Variants in COX7B2 observed in about 807,000 individuals in gnomAD.
COX7B2 encodes cytochrome c oxidase subunit 7B2, mitochondrial.
For missense variants in COX7B2, 109 were observed against 95.9 expected (o/e 1.14, Z -0.57); for synonymous variants, 37 against 32.1 (o/e 1.15, Z -0.51).
chr4:46,897,817 A>G (rs930670799), intron 1 of COX7B2, among the ~76,000 whole-genome samples: 8 of 152,228 alleles, frequency 5.3e-5, no homozygotes, highest in African/African-American at 1.9e-4. Flanking sequence ...TACCCTGGGT[A>G]ATATTTTAAA....
At chr4:46,857,571 T>A (rs1476804633) in intron 1 of COX7B2, among the ~76,000 whole-genome samples, 1 of 152,178 alleles carries the variant, frequency 6.6e-6, no homozygotes, top group Non-Finnish European at 1.5e-5. Context: ...CAAATTCCTA[T>A]GATCTATAGA....
chr4:46,764,262 G>A (rs1716389366), intron 2 of COX7B2, among the ~76,000 whole-genome samples: 2 of 152,104 alleles, frequency 1.3e-5, no homozygotes, highest in South Asian at 4.1e-4. Flanking sequence ...GAAAATACTG[G>A]AGCCAGGCAC....
At chr4:46,775,158 C>G (rs1362199503) in intron 2 of COX7B2, among the ~76,000 whole-genome samples, 2 of 152,058 alleles carry the variant, frequency 1.3e-5, no homozygotes, top group East Asian at 3.9e-4. Flanking sequence ...CAGTCAGATT[C>G]TTTAAGATAA....
intron 1 of COX7B2, among the ~76,000 whole-genome samples, chr4:46,868,275 A>G (rs1304842933): frequency 1.3e-5 from 2 of 151,788 alleles, no homozygotes; most frequent in Admixed American, 6.6e-5. Context: ...TCTTTTCTTC[A>G]TTATTCTAGC....
At chr4:46,880,460 C>T (rs1718643088) in intron 1 of COX7B2, among the ~76,000 whole-genome samples, 1 of 117,998 alleles carries the variant, frequency 8.5e-6, no homozygotes, top group South Asian at 3.1e-4. Context: ...ATTACTTACT[C>T]AATTTCAGAG....
chr4:46,814,127 T>G (rs1048455388), intron 2 of COX7B2, among the ~76,000 whole-genome samples: 5 of 152,088 alleles, frequency 3.3e-5, no homozygotes, highest in Non-Finnish European at 7.4e-5. Flanking sequence ...AACCTAAAAA[T>G]AGAAAACCAG....
intron 2 of COX7B2, among the ~76,000 whole-genome samples, chr4:46,781,159 G>C (rs545885219): frequency 6.6e-6 from 1 of 152,272 alleles, no homozygotes; most frequent in South Asian, 2.1e-4. Flanking sequence ...CAGTAGAGGA[G>C]AGAGGGGGCA....
At chr4:46,897,954 C>T (rs1192534815) in intron 1 of COX7B2, among the ~76,000 whole-genome samples, 1 of 152,188 alleles carries the variant, frequency 6.6e-6, no homozygotes, top group African/African-American at 2.4e-5. Context: ...GCTATGTTCT[C>T]TGACCTCCAC....
chr4:46,900,949 C>A (rs1720040092), intron 1 of COX7B2, among the ~76,000 whole-genome samples: 1 of 152,188 alleles, frequency 6.6e-6, no homozygotes, highest in African/African-American at 2.4e-5. Context: ...AAAAACTCAA[C>A]ATAATGTGAA....
chr4:46,894,388 G>A (rs575542110), intron 1 of COX7B2, among the ~76,000 whole-genome samples: 2 of 152,190 alleles, frequency 1.3e-5, no homozygotes, highest in East Asian at 3.9e-4. Context: ...AAACAATGAG[G>A]AAAAGACCCC....
In COX7B2 at chr4:46,874,182, C is replaced by A. The variant is rs575280413; in HGVS notation, c.-104-29168G>T. 7.9e-5 allele frequency among the ~76,000 whole-genome samples: 12 copies of A among 151,950 alleles called. 1 individual carries two copies. The South Asian group carries it at 2.1e-3, about 26-fold the overall frequency. ...ATTCAGCTCAGATTTCCTTGAAGAC[C>A]AAAATACATGCATAATTTAAAACAT... is the stretch of plus-strand genomic sequence containing the variant. On this transcript the variant is annotated intron_variant, in intron 1 of 2. Coordinates refer to ENST00000355591, the MANE Select transcript of COX7B2 (RefSeq NM_130902.3).
intron 2 of COX7B2, among the ~76,000 whole-genome samples, chr4:46,833,023 A>G (rs1034441384): frequency 6.6e-6 from 1 of 151,946 alleles, no homozygotes; most frequent in Non-Finnish European, 1.5e-5. Flanking sequence ...CTCCTGCTTC[A>G]GCCTCCCGAG....
At chr4:46,781,759 G>A (rs1328085318) in intron 2 of COX7B2, among the ~76,000 whole-genome samples, 1 of 152,238 alleles carries the variant, frequency 6.6e-6, no homozygotes, top group Non-Finnish European at 1.5e-5. Flanking sequence ...GGCTCAGCAG[G>A]CCCCACCCTT....
chr4:46,737,149 T>C (rs990478484), intron 2 of COX7B2, among the ~76,000 whole-genome samples: 4 of 152,146 alleles, frequency 2.6e-5, no homozygotes, highest in African/African-American at 9.6e-5. Flanking sequence ...GCCATTCTAA[T>C]CGGTAAATAG....
intron 2 of COX7B2, among the ~76,000 whole-genome samples, chr4:46,842,507 C>G (rs1432021260): frequency 2.0e-5 from 3 of 151,982 alleles, no homozygotes; most frequent in African/African-American, 7.2e-5. Context: ...CCCATTAACT[C>G]ATCATTTAAC....
intron 1 of COX7B2, among the ~76,000 whole-genome samples, chr4:46,869,993 C>T (rs1717887164): frequency 6.6e-6 from 1 of 152,094 alleles, no homozygotes; most frequent in Non-Finnish European, 1.5e-5. Context: ...CTTTCTCCTC[C>T]TCCCTTTCAG....
At position 46,776,835 on chromosome 4, in the gene COX7B2, A is replaced by G. The variant is rs182837265; in HGVS notation, c.-49-41594T>C. Among the ~76,000 whole-genome samples, 4 of 152,260 alleles carry G rather than the reference A, an allele frequency of 2.6e-5. No homozygotes were observed. The East Asian group carries it at 5.8e-4, about 22-fold the overall frequency. On this transcript the variant is annotated intron_variant, in intron 2 of 2. Transcript: ENST00000355591. ...GCAACATAGGATCTCCAACAGTTCT[A>G]TCCCAGAGATTCAGGGCTTTTCTTG...
chr4:46,797,364 G>A (rs1718419455), intron 2 of COX7B2, among the ~76,000 whole-genome samples: 1 of 152,118 alleles, frequency 6.6e-6, no homozygotes, highest in Admixed American at 6.5e-5. Context: ...ATTTATGAAG[G>A]CCATGTGATT....
At chr4:46,765,238 G>A (rs1716455512) in intron 2 of COX7B2, among the ~76,000 whole-genome samples, 1 of 152,120 alleles carries the variant, frequency 6.6e-6, no homozygotes, top group African/African-American at 2.4e-5. Flanking sequence ...AAGACGCACT[G>A]AAGAGAGTAG....
Sources: allele counts gnomAD v4.1 joint callset (sites outside exome capture counted in the v4.1 genomes callset), GRCh38; gene constraint gnomAD v4.1.1; transcripts MANE v1.5; gene names NCBI Gene and HGNC (gene_info 2026-07-23, HGNC 2026-07-21).